The following GRK4 variants were observed in gnomAD, a reference collection of about 807,000 sequenced individuals.
GRK4 encodes the protein G protein-coupled receptor kinase 4, also known as G protein-coupled receptor kinase 2-like.
A neutral mutation model predicts 77.9 loss-of-function variants in GRK4; 73 were observed. The observed-to-expected ratio is 0.94, with a 90% CI of 0.78 to 1.14. GRK4 has a LOEUF of 1.14. Among genes scored for constraint, GRK4 ranks in the 50% most tolerant of loss-of-function variants. The pLI is 0.00. For missense variants in GRK4, 729 were observed against 700.2 expected (o/e 1.04, Z -0.46); for synonymous variants, 257 against 254.4 (o/e 1.01, Z -0.10).
chr4:3,013,661 C>T (rs1366483164), intron 7 of GRK4, 27 bp from the exon 8 acceptor site: 1 of 1,587,286 alleles, frequency 6.3e-7, no homozygotes, highest in Non-Finnish European at 8.5e-7. Context: ...TGGACATAAA[C>T]CTCCTTTATT....
Position 3,007,744 on chromosome 4 carries a change from AT to A in GRK4, c.453del (p.His151GlnfsTer4). 1.9e-6 allele frequency: 3 copies of A among 1,589,886 alleles called. No individual in the cohort carries two copies. Among genetic ancestry groups the A allele is most frequent in the Non-Finnish European group, 2.6e-6 (3 of 1,170,240 alleles). ...AAAAAATCTTTTTCTAGAGTTGCCC[AT>A]AACTACCTAAGAGGGGAACCATTTG... is the stretch of plus-strand genomic sequence containing the variant. ...KAFEECTRVAHNYLRGEPFEE... is the reference protein window; with the variant it reads ...KAFEECTRVAXNYLRGEPFEE... On this transcript the variant is annotated frameshift_variant, in exon 6 of 16. Transcript: ENST00000398052. LOFTEE classifies it high-confidence loss of function.
chr4:3,038,437 T>C lies in GRK4; in HGVS notation c.1607T>C (p.Leu536Ser). The stretch of plus-strand genomic sequence containing the variant: ...AGTGAAAGTGAGGAAGCTTTGCCAT[T>C]AGATCTAGACAAGAACATACATACC... ...NKSESEEALP[L>S]DLDKNIHTPV... Residue 536 changes from leucine to serine, a missense_variant, in exon 15 of 16, where the codon TTA (leucine) becomes TCA (serine). Transcript: ENST00000398052. 1 of 1,614,110 alleles carries C rather than the reference T, an allele frequency of 6.2e-7. No individual in the cohort carries two copies. The highest frequency in any genetic ancestry group is 1.1e-5 in the South Asian group (1 of 91,082).
At chr4:2,982,791 T>C (rs1723204947) in intron 1 of GRK4, among the ~76,000 whole-genome samples, 1 of 152,222 alleles carries the variant, frequency 6.6e-6, no homozygotes, top group African/African-American at 2.4e-5. Context: ...GTTTCTGTGT[T>C]CTCTGTGAAG....
intron 10 of GRK4, among the ~76,000 whole-genome samples, chr4:3,026,762 C>T (rs1737690804): frequency 6.6e-6 from 1 of 152,234 alleles, no homozygotes; most frequent in African/African-American, 2.4e-5. Context: ...TGGTGTATCA[C>T]GTGCATGCAT....
intron 4 of GRK4, among the ~76,000 whole-genome samples, chr4:3,001,923 G>A (rs556142051): frequency 5.9e-5 from 9 of 152,302 alleles, no homozygotes; most frequent in African/African-American, 2.2e-4. Context: ...AATTGAGCAT[G>A]ACTTGGGTAT....
chr4:2,974,358 TTGAATGAA>T (rs1327857434), intron 1 of GRK4, among the ~76,000 whole-genome samples: 1 of 152,240 alleles, frequency 6.6e-6, no homozygotes, highest in African/African-American at 2.4e-5. Context: ...TAAATATTTG[TTGAATGAA>T]TGAATGAATG....
At chr4:3,040,346 AAGG>A (rs1367185170) in intron 15 of GRK4, among the ~76,000 whole-genome samples, 11 of 152,080 alleles carry the variant, frequency 7.2e-5, no homozygotes, top group Admixed American at 7.2e-4. Flanking sequence ...GAGGCTGAGG[AAGG>A]AGAATTGCTT....
At chr4:2,980,089 AGTGCTTTC>A (rs1722435378) in intron 1 of GRK4, among the ~76,000 whole-genome samples, 1 of 152,188 alleles carries the variant, frequency 6.6e-6, no homozygotes, top group Non-Finnish European at 1.5e-5. Context: ...GTCTGACAAG[AGTGCTTTC>A]ATCCTGTTAG....
intron 1 of GRK4, among the ~76,000 whole-genome samples, chr4:2,976,282 A>G (rs1721146783): frequency 6.7e-6 from 1 of 148,958 alleles, no homozygotes; most frequent in South Asian, 2.1e-4. Context: ...CTCAGGCTGG[A>G]ATGCAGTGGC....
At chr4:2,994,522 G>C (rs1452391036) in intron 4 of GRK4, among the ~76,000 whole-genome samples, 8 of 152,090 alleles carry the variant, frequency 5.3e-5, no homozygotes, top group African/African-American at 1.9e-4. Flanking sequence ...CATTTATCTA[G>C]TTATTATTCT....
intron 1 of GRK4, among the ~76,000 whole-genome samples, chr4:2,983,919 G>A (rs1329094701): frequency 6.6e-6 from 1 of 152,116 alleles, no homozygotes. Context: ...GGGAGAGAGA[G>A]CACAAGGGAA....
At chr4:2,970,606 C>T (rs1719222507) in intron 1 of GRK4, among the ~76,000 whole-genome samples, 2 of 150,234 alleles carry the variant, frequency 1.3e-5, no homozygotes, top group Admixed American at 6.6e-5. Flanking sequence ...TGCAGTGAGC[C>T]GAGATCGTGC....
chr4:3,008,992 G>A (rs1732107049), intron 6 of GRK4, among the ~76,000 whole-genome samples: 1 of 152,256 alleles, frequency 6.6e-6, no homozygotes, highest in Non-Finnish European at 1.5e-5. Context: ...TTTCTGACAG[G>A]TTGAGAGGGA....
At chr4:3,028,211 A>G (rs1738146198) in intron 11 of GRK4, among the ~76,000 whole-genome samples, 1 of 152,124 alleles carries the variant, frequency 6.6e-6, no homozygotes, top group African/African-American at 2.4e-5. Flanking sequence ...ATGAGGGGTG[A>G]GGCCTGAGAG....
At chr4:3,037,915 A>AC (rs1287548727) in intron 14 of GRK4, among the ~76,000 whole-genome samples, 1 of 143,048 alleles carries the variant, frequency 7.0e-6, no homozygotes, top group Non-Finnish European at 1.5e-5. Context: ...ACTTCGTCTC[A>AC]CCCAAAAAAA....
At chr4:2,998,651 A>G (rs976167123) in intron 4 of GRK4, among the ~76,000 whole-genome samples, 1 of 152,194 alleles carries the variant, frequency 6.6e-6, no homozygotes, top group African/African-American at 2.4e-5. Flanking sequence ...GAATGAACGT[A>G]ACAACATAAG....
chr4:2,976,840 T>A (rs979684792), intron 1 of GRK4, among the ~76,000 whole-genome samples: 1 of 152,148 alleles, frequency 6.6e-6, no homozygotes, highest in Non-Finnish European at 1.5e-5. Context: ...GGTTCCTCCA[T>A]GTTGGTCAGG....
chr4:2,998,943 G>A (rs1039443205), intron 4 of GRK4, among the ~76,000 whole-genome samples: 7 of 151,992 alleles, frequency 4.6e-5, no homozygotes, highest in African/African-American at 7.3e-5. Flanking sequence ...TGGAGGACTC[G>A]CACTCCTCAA....
chr4:3,019,406 C>T (rs1425132959), intron 8 of GRK4, among the ~76,000 whole-genome samples: 4 of 152,208 alleles, frequency 2.6e-5, no homozygotes, highest in African/African-American at 9.6e-5. Context: ...TTCGCCACTT[C>T]TTCGCTTAGC....
Sources: allele counts gnomAD v4.1 joint callset (sites outside exome capture counted in the v4.1 genomes callset), GRCh38; gene constraint gnomAD v4.1.1; transcripts MANE v1.5; gene names NCBI Gene and HGNC (gene_info 2026-07-23, HGNC 2026-07-21).